Variants in SMNDC1 observed in about 807,000 individuals in gnomAD.
SMNDC1 encodes the protein survival motor neuron domain containing 1.
In SMNDC1, 5 loss-of-function variants were observed where a neutral mutation model predicts 29.2. That is an observed-to-expected ratio of 0.17 (90% CI 0.09 to 0.36). The LOEUF (loss-of-function observed/expected upper bound fraction) is 0.36. SMNDC1 is among the 10% of genes least tolerant of loss of function. The probability of loss-of-function intolerance (pLI) is 1.00; values close to 1 mark genes in which losing one functional copy is unlikely to be tolerated. For missense variants in SMNDC1, 142 were observed against 268.5 expected (o/e 0.53, Z 3.29); for synonymous variants, 80 against 89.9 (o/e 0.89, Z 0.62).
At chr10:110,296,230 C>A (rs1336775278) in intron 4 of SMNDC1, among the ~76,000 whole-genome samples, 2 of 152,094 alleles carry the variant, frequency 1.3e-5, no homozygotes, top group Non-Finnish European at 2.9e-5. Context: ...TAAATAGGAT[C>A]AGAGCCTAAA....
At chr10:110,303,621 C>G (rs746239900) in intron 1 of SMNDC1, 34 bp from the exon 2 acceptor site, 3 of 1,537,986 alleles carry the variant, frequency 2.0e-6, no homozygotes, top group African/African-American at 2.9e-5. Context: ...ACCATGAAAA[C>G]TAAACCAAAA....
intron 2 of SMNDC1, among the ~76,000 whole-genome samples, chr10:110,299,261 G>C (rs1445623452): frequency 6.6e-6 from 1 of 152,156 alleles, no homozygotes; most frequent in African/African-American, 2.4e-5. Flanking sequence ...TAACAAAAAT[G>C]TTCCTACTTA....
chr10:110,295,521 T>A, intron 4 of SMNDC1, 140 bp from the exon 5 acceptor site: 1 of 543,756 alleles, frequency 1.8e-6, no homozygotes, highest in South Asian at 3.5e-5. Context: ...ATCATTAAAA[T>A]CAGTACCAAT....
intron 4 of SMNDC1, among the ~76,000 whole-genome samples, chr10:110,296,211 A>G (rs1240190081): frequency 3.3e-5 from 5 of 152,206 alleles, no homozygotes; most frequent in Non-Finnish European, 7.3e-5. Context: ...AACATTCTAA[A>G]TAAGATTCTA....
rs201915122 is a variant in SMNDC1 at position 110,302,791 on chromosome 10, TG to T, written c.120+676del. 4.2e-3 allele frequency among the ~76,000 whole-genome samples: 644 copies of T among 152,360 alleles called. 6 individuals are homozygous for T. The highest frequency in any genetic ancestry group is 0.015 in the African/African-American group (627 of 41,582). ...GTATTTACTATGATGGCTCTATGTTTGTCTTGAAATCCCAGTGCAGGTTTTC... is the reference window on the plus strand; with the variant it reads ...GTATTTACTATGATGGCTCTATGTTTTCTTGAAATCCCAGTGCAGGTTTTC... On this transcript the variant is annotated intron_variant, in intron 2 of 5. Coordinates refer to ENST00000369603, the MANE Select transcript of SMNDC1 (RefSeq NM_005871.4).
chr10:110,298,636 T>G lies in SMNDC1; in HGVS notation c.263+12A>C. On this transcript the variant is annotated intron_variant, in intron 3 of 5. Coordinates refer to ENST00000369603, the MANE Select transcript of SMNDC1 (RefSeq NM_005871.4). Reference sequence around the variant, plus strand: ...TTCATGTTATAGTTAGAGTTTTTTTTTCTACACTTACTGTCCATCTTCACT... The same window carrying G: ...TTCATGTTATAGTTAGAGTTTTTTTGTCTACACTTACTGTCCATCTTCACT... 1 of 1,589,406 alleles carries G rather than the reference T, an allele frequency of 6.3e-7. No individual in the cohort carries two copies. Among genetic ancestry groups the G allele is most frequent in the Non-Finnish European group, 8.5e-7 (1 of 1,170,664 alleles).
intron 2 of SMNDC1, among the ~76,000 whole-genome samples, chr10:110,299,438 GA>G (rs534028091): frequency 6.6e-5 from 10 of 151,948 alleles, no homozygotes; most frequent in South Asian, 2.1e-4. Flanking sequence ...TTAAAAGGGG[GA>G]AAAAAAGGTA....
Position 110,298,653 on chromosome 10 carries a change from A to G in SMNDC1, c.258T>C (p.Asp86=), listed in dbSNP as rs745647102. The G allele has an allele frequency of 1.2e-6, 2 of 1,608,344 alleles. No homozygotes were observed. Among genetic ancestry groups the G allele is most frequent in the South Asian group, 1.1e-5 (1 of 90,254 alleles). Residue 86 remains aspartate (D), a synonymous_variant, in exon 3 of 6, where the codon GAT becomes GAC. Coordinates refer to ENST00000369603, the MANE Select transcript of SMNDC1 (RefSeq NM_005871.4). ...GTTTTTTTTTCTACACTTACTGTCC[A>G]TCTTCACTCCAGACTGCCATACACT... ...GDKCMAVWSE[D]GQCYEAEIEE...
chr10:110,303,776 G>C, intron 1 of SMNDC1, 189 bp from the exon 2 acceptor site: 1 of 513,820 alleles, frequency 1.9e-6, no homozygotes, highest in Non-Finnish European at 3.3e-6. Flanking sequence ...AAAGGCAACA[G>C]ATTCTGAGGA....
At chr10:110,298,597 T>G in intron 3 of SMNDC1, 51 bp downstream of exon 3, 4 of 1,457,468 alleles carry the variant, frequency 2.7e-6, no homozygotes, top group Non-Finnish European at 3.8e-6. Context: ...CTTCTTACCA[T>G]TGTATTTTAT....
intron 2 of SMNDC1, among the ~76,000 whole-genome samples, chr10:110,300,221 T>G (rs1857625600): frequency 6.6e-6 from 1 of 152,236 alleles, no homozygotes; most frequent in South Asian, 2.1e-4. Context: ...AATTCTGCAC[T>G]TGTAGGTTTC....
intron 2 of SMNDC1, among the ~76,000 whole-genome samples, chr10:110,299,962 T>C (rs1857620567): frequency 6.6e-6 from 1 of 152,238 alleles, no homozygotes; most frequent in Admixed American, 6.5e-5. Context: ...CTCTAAGTTT[T>C]ATTAGTTGCC....
At chr10:110,298,578 G>A (rs1423121643) in intron 3 of SMNDC1, 70 bp downstream of exon 3, 1 of 1,342,856 alleles carries the variant, frequency 7.4e-7, no homozygotes, top group Non-Finnish European at 1.0e-6. Flanking sequence ...AGTTAAAACT[G>A]AATAAAAACT....
intron 2 of SMNDC1, 86 bp downstream of exon 2, chr10:110,303,382 C>A (rs1857686959): frequency 8.0e-7 from 1 of 1,247,500 alleles, no homozygotes; most frequent in Non-Finnish European, 1.1e-6. Flanking sequence ...TGGGGTGTAA[C>A]CCCTCAAAAG....
intron 3 of SMNDC1, 23 bp from the exon 4 acceptor site, chr10:110,297,751 A>ATTAC (rs1857586429): frequency 6.2e-7 from 1 of 1,609,550 alleles, no homozygotes; most frequent in African/African-American, 1.3e-5. Context: ...CATGGCTGTA[A>ATTAC]GCAGGTGAGT....
At position 110,304,735 on chromosome 10, in the gene SMNDC1, G is replaced by C. The variant is rs997339457; in HGVS notation, c.-1+13C>G. ...CGGCCAGGCCTTACTCTCTCCCTCA[G>C]GGGGGTTGTTACCTTGTGTGGGGCT... On this transcript the variant is annotated intron_variant, in intron 1 of 5. Transcript: ENST00000369603. 1 of 152,528 alleles carries C rather than the reference G, an allele frequency of 6.6e-6. No individual in the cohort carries two copies. Among genetic ancestry groups the C allele is most frequent in the African/African-American group, 2.4e-5 (1 of 41,442 alleles). The allele number at this position is 152,528 out of a possible 1,614,324, so 9.4% of individuals were successfully genotyped here. A position where few individuals can be genotyped will look rare whatever the true frequency, so the allele number is the denominator to read the frequency against.
At chr10:110,300,495 A>C in intron 2 of SMNDC1, 1 of 913,186 alleles carries the variant, frequency 1.1e-6, no homozygotes, top group Non-Finnish European at 1.3e-6. Flanking sequence ...CGTATGGACC[A>C]AAGTATTAGA....
rs1564733614 is a variant in SMNDC1 at position 110,297,851 on chromosome 10, G to A, written c.264-123C>T. The A allele has an allele frequency of 3.5e-6, 3 of 862,300 alleles. No individual in the cohort carries two copies. In the African/African-American group the frequency reaches 5.2e-5, roughly 15 times the overall value. The allele number at this position is 862,300 out of a possible 1,614,324, so 53.4% of individuals were successfully genotyped here. Reference sequence around the variant, plus strand: ...ATGAAACTTCTATAATCAAATGGTTGTTTCAGCAAAGAGAATACAAAAGAG... The same window carrying A: ...ATGAAACTTCTATAATCAAATGGTTATTTCAGCAAAGAGAATACAAAAGAG... On this transcript the variant is annotated intron_variant, in intron 3 of 5. Transcript: ENST00000369603.
Position 110,295,391 on chromosome 10 carries a change from A to G in SMNDC1, c.426-10T>C, listed in dbSNP as rs1449891887. The G allele has an allele frequency of 1.3e-6, 2 of 1,579,638 alleles. No individual in the cohort carries two copies. Among genetic ancestry groups the G allele is most frequent in the Non-Finnish European group, 1.7e-6 (2 of 1,170,948 alleles). ...GGCAATCATTTCTTTTCTGCATGAAAAAAAGTTAAATGTCAACTGTTAAGA... is the reference window on the plus strand; with the variant it reads ...GGCAATCATTTCTTTTCTGCATGAAGAAAAGTTAAATGTCAACTGTTAAGA... On this transcript the variant is annotated splice_polypyrimidine_tract_variant and intron_variant, in intron 4 of 5. Coordinates refer to ENST00000369603, the MANE Select transcript of SMNDC1 (RefSeq NM_005871.4).
Sources: allele counts gnomAD v4.1 joint callset (sites outside exome capture counted in the v4.1 genomes callset), GRCh38; gene constraint gnomAD v4.1.1; transcripts MANE v1.5; gene names NCBI Gene and HGNC (gene_info 2026-07-23, HGNC 2026-07-21).